The following APOB variants were observed in gnomAD, a reference collection of about 807,000 sequenced individuals.
The protein encoded by APOB is apolipoprotein B-100.
In APOB, 153 loss-of-function variants were observed where a neutral mutation model predicts 314.1. The observed-to-expected ratio is 0.49, with a 90% CI of 0.43 to 0.56. The LOEUF (loss-of-function observed/expected upper bound fraction) is 0.56, where lower values mean the gene tolerates loss of function less well. Ranked by LOEUF, APOB falls within the 20% of genes least tolerant of loss-of-function variation. The probability of loss-of-function intolerance (pLI) is 0.00; values close to 1 mark genes in which losing one functional copy is unlikely to be tolerated. For missense variants in APOB, 5,430 were observed against 5,350.7 expected, an observed-to-expected ratio of 1.01 and a Z score of -0.46; for synonymous variants, 2,087 against 2,036.4, an observed-to-expected ratio of 1.02 and a Z score of -0.67.
In APOB at chr2:21,033,323, A is replaced by G; in HGVS notation, c.1100T>C (p.Leu367Ser). 6.2e-7 allele frequency: 1 copy of G among 1,614,086 alleles called. No individual in the cohort carries two copies. The highest frequency in any genetic ancestry group is 8.5e-7 in the Non-Finnish European group (1 of 1,179,914). ...GLSDEAVTSL[L>S]PQLIEVSSPI... ...CCTGGACACCTCAATCAGCTGTGGCAAGAGAGATGTGACTGCTTCATCACT... is the reference window on the plus strand; with the variant it reads ...CCTGGACACCTCAATCAGCTGTGGCGAGAGAGATGTGACTGCTTCATCACT... Residue 367 changes from leucine (L) to serine (S), a missense_variant, in exon 9 of 29, where the codon TTG (leucine) becomes TCG (serine). Transcript: ENST00000233242.
Position 21,008,266 on chromosome 2 carries a change from C to A in APOB, c.8602G>T (p.Glu2868Ter). 1 of 1,613,920 alleles carries A rather than the reference C, an allele frequency of 6.2e-7. No homozygotes were observed. Among genetic ancestry groups the A allele is most frequent in the Non-Finnish European group, 8.5e-7 (1 of 1,179,928 alleles). Reference sequence around the variant, plus strand: ...TTGACAATCACTCCATTACTAAGCTCCAGTGTATTTTTTTCTGTGTGTAAA... The same window carrying A: ...TTGACAATCACTCCATTACTAAGCTACAGTGTATTTTTTTCTGTGTGTAAA... Reference protein sequence around the residue: ...ASLHTEKNTLELSNGVIVKIN... With the variant: ...ASLHTEKNTL Residue 2868 changes from glutamate (E) to a stop codon, truncating the protein, a stop_gained, in exon 26 of 29, where the codon GAG (glutamate) becomes TAG (stop). Coordinates refer to ENST00000233242, the MANE Select transcript of APOB (RefSeq NM_000384.3). LOFTEE classifies it high-confidence loss of function.
chr2:21,007,461 C>A lies in APOB; in HGVS notation c.9407G>T (p.Arg3136Leu). ...AGTTGTGATTATTGTGTAAGGTAGA[C>A]GCATTTCAGGAATTGTTAAAGGAAT... Reference protein sequence around the residue: ...LNIPLTIPEMRLPYTIITTPP... With the variant: ...LNIPLTIPEMLLPYTIITTPP... The change falls in exon 26 of 29, where the codon CGT (arginine) becomes CTT (leucine). Residue 3136 changes from arginine (R) to leucine (L), a missense_variant. Around this residue, in one of 3 missense-constraint regions of APOB, gnomAD observed 3,281 missense variants for 3,171.0 expected, o/e 1.03. Coordinates refer to ENST00000233242, the MANE Select transcript of APOB (RefSeq NM_000384.3). 2 of 1,613,996 alleles carry A rather than the reference C, an allele frequency of 1.2e-6. No homozygotes were observed. The highest frequency in any genetic ancestry group is 1.7e-6 in the Non-Finnish European group (2 of 1,179,960).
chr2:21,028,635 C>T (rs570213681), intron 12 of APOB, 97 bp from the exon 13 acceptor site: 2 of 840,748 alleles, frequency 2.4e-6, no homozygotes, highest in Admixed American at 1.8e-5. Context: ...CTTTCTTAAG[C>T]ACAGGTCTAA....
intron 6 of APOB, among the ~76,000 whole-genome samples, chr2:21,035,951 C>T (rs1663992615): frequency 6.6e-6 from 1 of 152,198 alleles, no homozygotes; most frequent in Admixed American, 6.5e-5. Context: ...TTGTATCCTC[C>T]ACATGCCCAT....
rs761484953 is a variant in APOB, at chr2:21,007,411, A to G, written c.9457T>C (p.Trp3153Arg). 9 of 1,613,948 alleles carry G rather than the reference A, an allele frequency of 5.6e-6. No individual in the cohort carries two copies. The highest frequency in any genetic ancestry group is 4.5e-5 in the East Asian group (2 of 44,868). The change falls in exon 26 of 29, where the codon TGG (tryptophan) becomes CGG (arginine). Residue 3153 changes from tryptophan (W) to arginine (R), a missense_variant. Trp to Arg is a moderately radical substitution (Grantham distance 101). Transcript: ENST00000233242. ...TTPPLKDFSL[W>R]EKTGLKEFLK... is the part of the protein sequence containing the mutation. ...AATTCCTTCAAGCCTGTTTTTTCCCATAGAGAGAAATCTTTCAGTGGAGGA... is the reference window on the plus strand; with the variant it reads ...AATTCCTTCAAGCCTGTTTTTTCCCGTAGAGAGAAATCTTTCAGTGGAGGA...
In APOB at chr2:21,012,060, T is replaced by A. The variant is rs369598286; in HGVS notation, c.4808A>T (p.Gln1603Leu). 1.1e-5 allele frequency: 18 copies of A among 1,614,122 alleles called. No individual in the cohort carries two copies. Among genetic ancestry groups the A allele is most frequent in the Middle Eastern group, 3.3e-4 (2 of 6,084 alleles). The change falls in exon 26 of 29, where the codon CAG becomes CTG. Residue 1603 changes from glutamine to leucine, a missense_variant. By Grantham distance (113) the Gln-to-Leu change is moderately radical (BLOSUM62 -2). This residue lies in a region of APOB where 2,085 missense variants were observed against 2,079.7 expected (regional missense o/e 1.00). Coordinates refer to ENST00000233242, the MANE Select transcript of APOB (RefSeq NM_000384.3). ...GAACCTCAATGACTCGTAATCAGCC[T>A]GATATTCAGAACGCAGCAGTGCATT... Reference protein sequence around the residue: ...KQNALLRSEYQADYESLRFFS... With the variant: ...KQNALLRSEYLADYESLRFFS...
chr2:21,032,232 A>C, intron 10 of APOB, 122 bp downstream of exon 10: 1 of 873,046 alleles, frequency 1.1e-6, no homozygotes, highest in East Asian at 2.5e-5. Context: ...ATCAAGAAAA[A>C]ACACAAGAGT....
At position 21,006,280 on chromosome 2, in the gene APOB, C is replaced by T. The variant is rs200184366; in HGVS notation, c.10588G>A (p.Val3530Met). The T allele has an allele frequency of 1.4e-5, 23 of 1,614,066 alleles. No individual in the cohort carries two copies. Among genetic ancestry groups the T allele is most frequent in the Non-Finnish European group, 1.9e-5 (22 of 1,179,976 alleles). Residue 3530 changes from valine (V) to methionine (M), a missense_variant, in exon 26 of 29, where the codon GTG becomes ATG. By Grantham distance (21) the Val-to-Met change is conservative. This residue lies in a region of APOB where 3,281 missense variants were observed against 3,171.0 expected (regional missense o/e 1.03). Transcript: ENST00000233242. Reference sequence around the variant, plus strand: ...ATTTTGGAAGTGCCCTGCAGCTTCACTGAAGACCGTGTGCTCTTGGAATTC... The same window carrying T: ...ATTTTGGAAGTGCCCTGCAGCTTCATTGAAGACCGTGTGCTCTTGGAATTC... ...YLNSKSTRSS[V>M]KLQGTSKIDD...
At chr2:21,033,582 T>A in intron 8 of APOB, 64 bp from the exon 9 acceptor site, 1 of 1,381,874 alleles carries the variant, frequency 7.2e-7, no homozygotes. Context: ...CTTTGTCTAC[T>A]GGAAGCTGGA....
rs1266425413 is a variant in APOB at position 21,006,736 on chromosome 2, G to T, written c.10132C>A (p.Gln3378Lys). Reference protein sequence around the residue: ...SSSSSVIDALQYKLEGTTRLT... With the variant: ...SSSSSVIDALKYKLEGTTRLT... ...CTTGTGGTGCCCTCTAATTTGTACTGCAGTGCATCAATGACAGATGAAGAT... is the reference window on the plus strand; with the variant it reads ...CTTGTGGTGCCCTCTAATTTGTACTTCAGTGCATCAATGACAGATGAAGAT... The change falls in exon 26 of 29, where the codon CAG becomes AAG. Residue 3378 changes from glutamine to lysine, a missense_variant. Coordinates refer to ENST00000233242, the MANE Select transcript of APOB (RefSeq NM_000384.3). 6.2e-7 allele frequency: 1 copy of T among 1,613,900 alleles called. No individual in the cohort carries two copies. Among genetic ancestry groups the T allele is most frequent in the African/African-American group, 1.3e-5 (1 of 74,892 alleles).
At position 21,043,846 on chromosome 2, in the gene APOB, G is replaced by A; in HGVS notation, c.82+18C>T. On this transcript the variant is annotated intron_variant, in intron 1 of 28. Transcript: ENST00000233242. ...CCCTCCCGCTCCCTCTGCGCCCGCA[G>A]AGCGGCCGCGCACTCACCGGCCCTG... 1 of 1,529,066 alleles carries A rather than the reference G, an allele frequency of 6.5e-7. No individual in the cohort carries two copies. The highest frequency in any genetic ancestry group is 1.2e-5 in the South Asian group (1 of 83,728). The allele number at this position is 1,529,066 out of a possible 1,614,324, so 94.7% of individuals were successfully genotyped here.
chr2:21,001,954 C>G lies in APOB; in HGVS notation c.13468G>C (p.Asp4490His). Residue 4490 changes from aspartate to histidine, a missense_variant, in exon 29 of 29, where the codon GAT (aspartate) becomes CAT (histidine). By Grantham distance (81) the Asp-to-His change is moderately conservative. This residue lies in a region of APOB where 3,281 missense variants were observed against 3,171.0 expected (regional missense o/e 1.03). Coordinates refer to ENST00000233242, the MANE Select transcript of APOB (RefSeq NM_000384.3). The part of the protein sequence containing the change: ...QAIATKKIIS[D>H]YHQQFRYKLQ... ...TTATATCTAAACTGCTGGTGGTAAT[C>G]AGAAATTATTTTCTTCGTCGCAATG... 1 of 1,614,032 alleles carries G rather than the reference C, an allele frequency of 6.2e-7. No homozygotes were observed. Among genetic ancestry groups the G allele is most frequent in the Non-Finnish European group, 8.5e-7 (1 of 1,179,986 alleles).
Position 21,037,264 on chromosome 2 carries a change from G to A in APOB, c.538-9C>T, listed in dbSNP as rs1800478. On this transcript the variant is annotated splice_polypyrimidine_tract_variant and intron_variant, in intron 5 of 28. Transcript: ENST00000233242. ...TTTCCATACACGGTATCCTATGGAG[G>A]AAGAAGATGCAACCACATGTATTCA... is the stretch of plus-strand genomic sequence containing the variant. 0.011 allele frequency: 18,484 copies of A among 1,609,268 alleles called. 377 individuals are homozygous for A. The highest frequency in any genetic ancestry group is 0.092 in the African/African-American group (6,924 of 74,924).
rs1664045378 is a variant in APOB at position 21,037,947 on chromosome 2, T to C, written c.537+11A>G. 1 of 1,614,102 alleles carries C rather than the reference T, an allele frequency of 6.2e-7. No homozygotes were observed. The highest frequency in any genetic ancestry group is 8.5e-7 in the Non-Finnish European group (1 of 1,180,046). ...TCAAGGGCCACTGCTATCAGCTTTCTAAATCCTCACCAGAAACAACACTTG... is the reference window on the plus strand; with the variant it reads ...TCAAGGGCCACTGCTATCAGCTTTCCAAATCCTCACCAGAAACAACACTTG... On this transcript the variant is annotated intron_variant, in intron 5 of 28. Coordinates refer to ENST00000233242, the MANE Select transcript of APOB (RefSeq NM_000384.3).
chr2:21,024,614 A>G lies in APOB; in HGVS notation c.2436+319T>C, dbSNP rs575790136. ...GCCTGGGAGCAAGACTCCATCTCAA[A>G]AAATTAAAAAAATAAAAATAAAAAT... On this transcript the variant is annotated intron_variant, in intron 16 of 28. Transcript: ENST00000233242. 1.7e-4 allele frequency: 85 copies of G among 511,938 alleles called. 2 individuals are homozygous for G. The South Asian group carries it at 2.6e-3, about 15-fold the overall frequency. The allele number at this position is 511,938 out of a possible 1,614,324, so 31.7% of individuals were successfully genotyped here. A position where few individuals can be genotyped will look rare whatever the true frequency, so the allele number is the denominator to read the frequency against.
At chr2:21,023,102 G>T in intron 17 of APOB, 60 bp from the exon 18 acceptor site, 3 of 1,446,430 alleles carry the variant, frequency 2.1e-6, no homozygotes, top group Non-Finnish European at 2.9e-6. Context: ...CTGTCAGTCA[G>T]ATCAACCACC....
In APOB at chr2:21,014,512, C is replaced by A. The variant is rs144892654; in HGVS notation, c.3778G>T (p.Glu1260Ter). Reference protein sequence around the residue: ...TLQDHLNSLKEFNLQNMGLPD... With the variant: ...TLQDHLNSLK ...AATCCCATGTTCTGGAGGTTGAACT[C>A]CTTCAGGCTATTGAGGTGGTCTTGC... Residue 1260 changes from glutamate (E) to a stop codon, truncating the protein, a stop_gained, in exon 24 of 29, where the codon GAG (glutamate) becomes TAG (stop). Transcript: ENST00000233242. LOFTEE classifies it high-confidence loss of function. 1 of 1,614,078 alleles carries A rather than the reference C, an allele frequency of 6.2e-7. No individual in the cohort carries two copies. Among genetic ancestry groups the A allele is most frequent in the Non-Finnish European group, 8.5e-7 (1 of 1,180,008 alleles).
chr2:21,014,567 T>G lies in APOB; in HGVS notation c.3723A>C (p.Ala1241=), dbSNP rs1663417931. 1 of 1,614,016 alleles carries G rather than the reference T, an allele frequency of 6.2e-7. No individual in the cohort carries two copies. Among genetic ancestry groups the G allele is most frequent in the African/African-American group, 1.3e-5 (1 of 74,940 alleles). ...TCTGGGTATAAGGAAGACTCCCAGA[T>G]GCCTTCTGAAGCCATGAGCTCATTG... The part of the protein sequence containing the change: ...IVAMSSWLQK[A]SGSLPYTQTL... The change falls in exon 24 of 29, where the codon GCA becomes GCC. Residue 1241 remains alanine (A), a synonymous_variant. Transcript: ENST00000233242.
chr2:21,029,601 T>C (rs780095612), intron 12 of APOB, 38 bp downstream of exon 12: 2 of 1,611,804 alleles, frequency 1.2e-6, no homozygotes, highest in Non-Finnish European at 8.5e-7. Flanking sequence ...TCCTTGTTAA[T>C]AAACTTTCAC....
Sources: gnomAD v4.1 joint callset for allele counts (sites outside exome capture counted in the v4.1 genomes callset) on GRCh38, gnomAD v4.1.1 for gene constraint, gnomAD v4.1.1 regional missense constraint, MANE v1.5 for transcripts, NCBI Gene and HGNC (gene_info 2026-07-23, HGNC 2026-07-21) for gene names.